The following TRPV2 variants were observed in gnomAD, a reference collection of about 807,000 sequenced individuals.
TRPV2 encodes transient receptor potential cation channel subfamily V member 2, also known as OTRPC2.
TRPV2 carries 58 observed loss-of-function variants against 91.0 expected under a neutral mutation model. The observed-to-expected ratio is 0.64, with a 90% CI of 0.52 to 0.79. TRPV2 has a LOEUF of 0.79. TRPV2 is among the 30% of genes least tolerant of loss of function. TRPV2 has a pLI of 0.00. For missense variants in TRPV2, 807 were observed against 969.6 expected, an observed-to-expected ratio of 0.83 and a Z score of 2.23; for synonymous variants, 417 against 414.8, an observed-to-expected ratio of 1.01 and a Z score of -0.06.
chr17:16,417,747 A>G lies in TRPV2; in HGVS notation c.79A>G (p.Arg27Gly), dbSNP rs772637396. The stretch of plus-strand genomic sequence containing the variant: ...CCAAGAAGATGGCTCTGAGGCGGAC[A>G]GAGGAAAGCTGGATTTTGGGAGCGG... Reference protein sequence around the residue: ...GGQEDGSEADRGKLDFGSGLP... With the variant: ...GGQEDGSEADGGKLDFGSGLP... Residue 27 changes from arginine to glycine, a missense_variant, in exon 2 of 15, where the codon AGA becomes GGA. By Grantham distance (125) the Arg-to-Gly change is moderately radical. Coordinates refer to ENST00000338560, the MANE Select transcript of TRPV2 (RefSeq NM_016113.5). 3 of 1,614,132 alleles carry G rather than the reference A, an allele frequency of 1.9e-6. No individual in the cohort carries two copies. The African/African-American group carries it at 4.0e-5, about 22-fold the overall frequency.
chr17:16,434,726 G>A lies in TRPV2; in HGVS notation c.2115-164G>A, dbSNP rs139500245. 1,266 of 579,854 alleles carry A rather than the reference G, an allele frequency of 2.2e-3. 10 individuals carry two copies. Among genetic ancestry groups the A allele is most frequent in the South Asian group, 0.015 (609 of 40,552 alleles). The allele number at this position is 579,854 out of a possible 1,614,324, so 35.9% of individuals were successfully genotyped here. ...CCTCACAGGACAGGGCTCCAAGTGG[G>A]TGGCCCAGAACCCTGCAGAGAAAAA... On this transcript the variant is annotated intron_variant, in intron 13 of 14. Coordinates refer to ENST00000338560, the MANE Select transcript of TRPV2 (RefSeq NM_016113.5).
At position 16,428,359 on chromosome 17, in the gene TRPV2, T is replaced by C; in HGVS notation, c.1393T>C (p.Phe465Leu). ...GCGCCACGTGTTCATCTGGATCTCG[T>C]TCATAGACAGCTACTTTGAAATCCT... ...WRRHVFIWIS[F>L]IDSYFEILFL... The change falls in exon 9 of 15, where the codon TTC (phenylalanine) becomes CTC (leucine). Residue 465 changes from phenylalanine (F) to leucine (L), a missense_variant. By Grantham distance (22) the Phe-to-Leu change is conservative. Coordinates refer to ENST00000338560, the MANE Select transcript of TRPV2 (RefSeq NM_016113.5). 1 of 1,614,180 alleles carries C rather than the reference T, an allele frequency of 6.2e-7. No homozygotes were observed. The highest frequency in any genetic ancestry group is 2.2e-5 in the East Asian group (1 of 44,884).
chr17:16,433,741 A>C, intron 13 of TRPV2, 43 bp downstream of exon 13: 2 of 1,605,356 alleles, frequency 1.2e-6, no homozygotes, highest in Non-Finnish European at 1.7e-6. Context: ...CTTGCTGTCC[A>C]GCAATCCCTG....
chr17:16,422,698 C>G lies in TRPV2; in HGVS notation c.434C>G (p.Ser145Cys). 1 of 1,610,352 alleles carries G rather than the reference C, an allele frequency of 6.2e-7. No homozygotes were observed. Among genetic ancestry groups the G allele is most frequent in the Non-Finnish European group, 8.5e-7 (1 of 1,178,030 alleles). Residue 145 changes from serine to cysteine, a missense_variant, in exon 4 of 15, where the codon TCT (serine) becomes TGT (cysteine). Coordinates refer to ENST00000338560, the MANE Select transcript of TRPV2 (RefSeq NM_016113.5). ...CCACTGCTGCAGATCGACAGGGACT[C>G]TGGCAATCCTCAGCCCCTGGTAAAT... Reference protein sequence around the residue: ...ILPLLQIDRDSGNPQPLVNAQ... With the variant: ...ILPLLQIDRDCGNPQPLVNAQ...
intron 3 of TRPV2, among the ~76,000 whole-genome samples, chr17:16,421,773 C>T (rs946665154): frequency 6.0e-5 from 9 of 149,996 alleles, no homozygotes; most frequent in African/African-American, 7.3e-5. Context: ...CCACCTTGGC[C>T]TCCCAAAGTG....
rs1419679343 is a variant in TRPV2 at position 16,435,203 on chromosome 17, T to C, written c.2194+234T>C. Among the ~76,000 whole-genome samples, 1 of 152,176 alleles carries C rather than the reference T, an allele frequency of 6.6e-6. No homozygotes were observed. The highest frequency in any genetic ancestry group is 2.4e-5 in the African/African-American group (1 of 41,430). Reference sequence around the variant, plus strand: ...AACCAGGGGAAACCTCTGAGGCTGTTAGCGCTTCCACCAGCCCAGCCTCTG... The same window carrying C: ...AACCAGGGGAAACCTCTGAGGCTGTCAGCGCTTCCACCAGCCCAGCCTCTG... On this transcript the variant is annotated intron_variant, in intron 14 of 14. Transcript: ENST00000338560. The surrounding 1 kb of genome is among the most constrained non-coding windows in gnomAD (Gnocchi z 4.2).
At chr17:16,433,971 T>G (rs1471377426) in intron 13 of TRPV2, among the ~76,000 whole-genome samples, 1 of 152,202 alleles carries the variant, frequency 6.6e-6, no homozygotes, top group African/African-American at 2.4e-5. Context: ...TGAAATGTGT[T>G]ACGGTAAGGA....
rs1356821312 is a variant in TRPV2, at chr17:16,417,679, C to T, written c.11C>T (p.Pro4Leu). Residue 4 changes from proline (P) to leucine (L), a missense_variant, in exon 2 of 15, where the codon CCC becomes CTC. Coordinates refer to ENST00000338560, the MANE Select transcript of TRPV2 (RefSeq NM_016113.5). The stretch of plus-strand genomic sequence containing the variant: ...CCTCCTCCTCCTAGGATGACCTCAC[C>T]CTCCAGCTCTCCAGTTTTCAGGTTG... The part of the protein sequence containing the change: MTS[P>L]SSSPVFRLET... 5 of 1,614,168 alleles carry T rather than the reference C, an allele frequency of 3.1e-6. No homozygotes were observed. Among genetic ancestry groups the T allele is most frequent in the East Asian group, 2.2e-5 (1 of 44,886 alleles).
intron 9 of TRPV2, chr17:16,428,607 G>A (rs1009488494): frequency 2.5e-5 from 18 of 706,718 alleles, no homozygotes; most frequent in African/African-American, 5.3e-5. Flanking sequence ...ACTAGGCCTC[G>A]GCACATACCT....
At chr17:16,428,754 G>A in intron 9 of TRPV2, 63 bp from the exon 10 acceptor site, 1 of 1,601,688 alleles carries the variant, frequency 6.2e-7, no homozygotes, top group Non-Finnish European at 8.5e-7. Context: ...GGTCAGCATA[G>A]GCCAGTGGGG....
intron 10 of TRPV2, among the ~76,000 whole-genome samples, chr17:16,431,545 C>T (rs146774282): frequency 2.3e-3 from 348 of 151,938 alleles, no homozygotes; most frequent in African/African-American, 8.1e-3. Flanking sequence ...GTAATCTGCC[C>T]GCCTCAGCCT....
chr17:16,431,291 ATTTTTTTTTTTT>A (rs1167449708), intron 10 of TRPV2, among the ~76,000 whole-genome samples: 2 of 67,392 alleles, frequency 3.0e-5, no homozygotes, highest in African/African-American at 1.3e-4. Flanking sequence ...ATATATACAT[ATTTTTTTTTTTT>A]TTTTTTTTGA....
Position 16,433,685 on chromosome 17 carries a change from C to T in TRPV2, c.2101C>T (p.Arg701Cys), listed in dbSNP as rs749098610. ...GTKPDGSPDE[R>C]WCFRVEEVNW... ...TAAGCCAGATGGCAGCCCCGATGAG[C>T]GCTGGTGCTTCAGGTGAGTGAGTGG... The change falls in exon 13 of 15, where the codon CGC (arginine) becomes TGC (cysteine). Residue 701 changes from arginine (R) to cysteine (C), a missense_variant. Transcript: ENST00000338560. 10 of 1,613,862 alleles carry T rather than the reference C, an allele frequency of 6.2e-6. No homozygotes were observed. Among genetic ancestry groups the T allele is most frequent in the East Asian group, 2.2e-5 (1 of 44,872 alleles).
At chr17:16,425,628 T>A (rs964986931) in intron 5 of TRPV2, among the ~76,000 whole-genome samples, 21 of 152,346 alleles carry the variant, frequency 1.4e-4, no homozygotes, top group Admixed American at 1.2e-3. Flanking sequence ...CTGTGTGGCC[T>A]ATGAAAGCAG....
At chr17:16,428,120 C>G (rs1035017771) in intron 8 of TRPV2, among the ~76,000 whole-genome samples, 197 bp from the exon 9 acceptor site, 1 of 152,190 alleles carries the variant, frequency 6.6e-6, no homozygotes, top group East Asian at 1.9e-4. Flanking sequence ...CTGCACCCCC[C>G]GGCCTTGCCT....
At chr17:16,428,720 G>A (rs1008919054) in intron 9 of TRPV2, 97 bp from the exon 10 acceptor site, 6 of 1,418,008 alleles carry the variant, frequency 4.2e-6, no homozygotes, top group Non-Finnish European at 5.8e-6. Flanking sequence ...TAAATGTCTT[G>A]CCTAAGATGG....
Position 16,428,368 on chromosome 17 carries a change from A to G in TRPV2, c.1402A>G (p.Ser468Gly). The G allele has an allele frequency of 3.1e-6, 5 of 1,614,176 alleles. No homozygotes were observed. Among genetic ancestry groups the G allele is most frequent in the Non-Finnish European group, 4.2e-6 (5 of 1,180,022 alleles). Residue 468 changes from serine to glycine, a missense_variant, in exon 9 of 15, where the codon AGC becomes GGC. Ser to Gly is a moderately conservative substitution (Grantham distance 56). Transcript: ENST00000338560. ...GTTCATCTGGATCTCGTTCATAGAC[A>G]GCTACTTTGAAATCCTCTTGTACGT... ...HVFIWISFID[S>G]YFEILFLFQA... is the part of the protein sequence containing the mutation.
intron 1 of TRPV2, chr17:16,416,743 C>T (rs1464987061): frequency 6.6e-6 from 1 of 152,258 alleles, no homozygotes; most frequent in Non-Finnish European, 1.5e-5. Context: ...CCGGCTCTGC[C>T]AACAACTGGC....
intron 13 of TRPV2, among the ~76,000 whole-genome samples, chr17:16,434,048 C>T (rs1167456815): frequency 6.6e-6 from 1 of 152,174 alleles, no homozygotes; most frequent in Non-Finnish European, 1.5e-5. Flanking sequence ...CTCTGTGTCC[C>T]CCCACCCCCA....
Sources: allele counts gnomAD v4.1 joint callset (sites outside exome capture counted in the v4.1 genomes callset), GRCh38; gene constraint gnomAD v4.1.1; non-coding constraint Gnocchi (gnomAD v3.1); transcripts MANE v1.5; gene names NCBI Gene and HGNC (gene_info 2026-07-23, HGNC 2026-07-21).